The following DIP2A variants were observed in gnomAD, a reference collection of about 807,000 sequenced individuals.
DIP2A encodes the protein DIP2 acetate--CoA ligase A.
Under a neutral mutation model 177.4 loss-of-function variants are expected in DIP2A, and 85 were observed. The ratio of observed to expected loss-of-function variants is 0.48; its 90% CI spans 0.40 to 0.57. DIP2A has a LOEUF of 0.57. Ranked by LOEUF, DIP2A falls within the 20% of genes least tolerant of loss-of-function variation. The pLI is 0.00. For missense variants in DIP2A, 1,791 were observed against 2,100.2 expected (o/e 0.85, Z 2.88); for synonymous variants, 886 against 881.8 (o/e 1.00, Z -0.08).
In DIP2A at chr21:46,554,600, T is replaced by C; in HGVS notation, c.3180T>C (p.Tyr1060=). The C allele has an allele frequency of 1.2e-6, 2 of 1,611,690 alleles. No individual in the cohort carries two copies. Among genetic ancestry groups the C allele is most frequent in the Non-Finnish European group, 8.5e-7 (1 of 1,179,006 alleles). The stretch of plus-strand genomic sequence containing the variant: ...GGGTGGACCTCATTGCCGCGTTCTA[T>C]GGCTGCTTGTACTGTGGCTGCGTGC... ...PPGVDLIAAF[Y]GCLYCGCVPV... is the part of the protein sequence containing the mutation. Residue 1060 remains tyrosine, a synonymous_variant, in exon 27 of 38, where the codon TAT becomes TAC. Transcript: ENST00000417564.
intron 3 of DIP2A, among the ~76,000 whole-genome samples, chr21:46,491,183 G>A (rs2056991803): frequency 6.6e-6 from 1 of 151,920 alleles, no homozygotes; most frequent in Non-Finnish European, 1.5e-5. Context: ...ATTTAAATTT[G>A]TCTCTGATGT....
the DIP2A span, among the ~76,000 whole-genome samples, chr21:46,581,965 TG>T: frequency 1.3e-5 from 2 of 152,178 alleles, no homozygotes; most frequent in Non-Finnish European, 2.9e-5. Flanking sequence ...GGCTGCCCCT[TG>T]GTGGAGTGGG....
intron 21 of DIP2A, among the ~76,000 whole-genome samples, chr21:46,549,175 CAA>C (rs1269674833): frequency 6.6e-6 from 1 of 152,048 alleles, no homozygotes; most frequent in African/African-American, 2.4e-5. Flanking sequence ...AAGGAAAGGA[CAA>C]GAGACGGTAT....
chr21:46,554,111 G>A, intron 25 of DIP2A, 58 bp from the exon 26 acceptor site: 2 of 1,550,762 alleles, frequency 1.3e-6, no homozygotes, highest in Non-Finnish European at 1.7e-6. Flanking sequence ...ACGCAGATCT[G>A]CGAACAGCCC....
chr21:46,493,592 G>C (rs145376807), intron 3 of DIP2A, among the ~76,000 whole-genome samples: 13 of 152,048 alleles, frequency 8.5e-5, no homozygotes, highest in African/African-American at 3.1e-4. Context: ...GCTTTTTTGT[G>C]CCTGGTGTTA....
At chr21:46,546,707 C>T (rs771869295) in intron 20 of DIP2A, among the ~76,000 whole-genome samples, 38 of 152,200 alleles carry the variant, frequency 2.5e-4, no homozygotes, top group Non-Finnish European at 3.5e-4. Context: ...CCACCAGCCC[C>T]CATTCCTTCC....
rs202158653 is a variant in DIP2A, at chr21:46,498,777, C to T, written c.599C>T (p.Thr200Met). 1.2e-5 allele frequency: 19 copies of T among 1,611,596 alleles called. No homozygotes were observed. Among genetic ancestry groups the T allele is most frequent in the African/African-American group, 5.3e-5 (4 of 75,048 alleles). Residue 200 changes from threonine to methionine, a missense_variant, in exon 5 of 38, where the codon ACG (threonine) becomes ATG (methionine). By Grantham distance (81) the Thr-to-Met change is moderately conservative (BLOSUM62 -1). Transcript: ENST00000417564. This position sits in a 1 kb window ranked among gnomAD's most constrained non-coding sequence, Gnocchi z 4.3. Reference protein sequence around the residue: ...RPTTAPSAAATPGAAATTALA... With the variant: ...RPTTAPSAAAMPGAAATTALA... ...ACCACTGCTCCCAGTGCTGCAGCCACGCCGGGGGCCGCCGCTACCACTGCA... is the reference window on the plus strand; with the variant it reads ...ACCACTGCTCCCAGTGCTGCAGCCATGCCGGGGGCCGCCGCTACCACTGCA...
At chr21:46,499,045 A>G (rs1601528037) in intron 5 of DIP2A, among the ~76,000 whole-genome samples, 1 of 152,230 alleles carries the variant, frequency 6.6e-6, no homozygotes, top group African/African-American at 2.4e-5. Flanking sequence ...AGCTTTTAAT[A>G]ATTGCACTTG....
At chr21:46,540,888 G>A in intron 17 of DIP2A, among the ~76,000 whole-genome samples, 1 of 152,042 alleles carries the variant, frequency 6.6e-6, no homozygotes, top group East Asian at 1.9e-4. Context: ...GGTGGCAGGT[G>A]CCTATAGTCC....
At chr21:46,471,460 C>A (rs144377680) in intron 1 of DIP2A, among the ~76,000 whole-genome samples, 232 of 152,314 alleles carry the variant, frequency 1.5e-3, no homozygotes, top group African/African-American at 5.4e-3. Context: ...CCCAGTAAAT[C>A]TTTTAAAACT....
the DIP2A span, among the ~76,000 whole-genome samples, chr21:46,578,044 T>C: frequency 6.6e-6 from 1 of 152,324 alleles, no homozygotes; most frequent in Admixed American, 6.5e-5. Context: ...CTGGGCGTGG[T>C]GGCTCACACC....
chr21:46,511,938 T>A (rs115540798), intron 8 of DIP2A, among the ~76,000 whole-genome samples: 1,728 of 152,254 alleles, frequency 0.011, 30 homozygotes, highest in African/African-American at 0.039. Context: ...CATCTTTTGG[T>A]TCCATACTAT....
Position 46,533,599 on chromosome 21 carries a change from C to G in DIP2A, c.1381C>G (p.Gln461Glu). 1 of 1,614,030 alleles carries G rather than the reference C, an allele frequency of 6.2e-7. No individual in the cohort carries two copies. Among genetic ancestry groups the G allele is most frequent in the Non-Finnish European group, 8.5e-7 (1 of 1,179,898 alleles). Residue 461 changes from glutamine (Q) to glutamate (E), a missense_variant, in exon 11 of 38, where the codon CAG (glutamine) becomes GAG (glutamate). By Grantham distance (29) the Gln-to-Glu change is conservative (BLOSUM62 2). Transcript: ENST00000417564. The stretch of plus-strand genomic sequence containing the variant: ...CTTGGCCCTGACCACAGACGCTTGT[C>G]AGAAAGGCCTCCCCAAGGCACAGAC... ...VFLALTTDACQKGLPKAQTGE... is the reference protein window; with the variant it reads ...VFLALTTDACEKGLPKAQTGE...
chr21:46,482,638 G>A (rs571033787), intron 1 of DIP2A, among the ~76,000 whole-genome samples: 5 of 147,236 alleles, frequency 3.4e-5, no homozygotes, highest in Admixed American at 2.7e-4. Flanking sequence ...ATTATAGGAA[G>A]TGTCAAGCTT....
chr21:46,483,533 G>A (rs1240780320), intron 1 of DIP2A, among the ~76,000 whole-genome samples: 1 of 152,200 alleles, frequency 6.6e-6, no homozygotes, highest in African/African-American at 2.4e-5. Context: ...GGCTGGTGTG[G>A]ACCAGAGCAG....
intron 8 of DIP2A, among the ~76,000 whole-genome samples, chr21:46,517,958 A>G (rs1172631877): frequency 6.6e-6 from 1 of 152,218 alleles, no homozygotes; most frequent in Non-Finnish European, 1.5e-5. Context: ...CCTCCAAAAG[A>G]TCATTTCTGC....
At chr21:46,492,882 G>A (rs537627026) in intron 3 of DIP2A, among the ~76,000 whole-genome samples, 3 of 151,862 alleles carry the variant, frequency 2.0e-5, no homozygotes, top group South Asian at 2.1e-4. Context: ...GGAGGTTGCA[G>A]TGAGCCAATA....
chr21:46,547,835 AT>A (rs1441742071), intron 21 of DIP2A, among the ~76,000 whole-genome samples: 1 of 151,314 alleles, frequency 6.6e-6, no homozygotes, highest in Admixed American at 6.6e-5. Flanking sequence ...CGCCTGGCTA[AT>A]TTTTTAATTT....
At chr21:46,477,574 T>TGTGTGTGTGTGTGTGTGTG (rs1292980032) in intron 1 of DIP2A, among the ~76,000 whole-genome samples, 77 of 93,702 alleles carry the variant, frequency 8.2e-4, no homozygotes, top group Non-Finnish European at 1.2e-3. Context: ...TGTGTATTTC[T>TGTGTGTGTGTGTGTGTGTG]TTTTTTTTTT....
Sources: gnomAD v4.1 joint callset for allele counts (sites outside exome capture counted in the v4.1 genomes callset) on GRCh38, gnomAD v4.1.1 for gene constraint, Gnocchi (gnomAD v3.1) non-coding constraint, MANE v1.5 for transcripts, NCBI Gene and HGNC (gene_info 2026-07-23, HGNC 2026-07-21) for gene names.